Variants in SHOX2 observed in about 807,000 individuals in gnomAD.
SHOX2 encodes short stature homeobox protein 2.
Under a neutral mutation model 31.3 loss-of-function variants are expected in SHOX2, and 13 were observed. That is an observed-to-expected ratio of 0.42 (90% CI 0.27 to 0.66). The LOEUF is 0.66. Among genes scored for constraint, SHOX2 ranks in the 30% least tolerant of loss-of-function variants. The pLI, the probability that SHOX2 is intolerant of heterozygous loss-of-function variation, is 0.27. For synonymous variants in SHOX2, 244 were observed against 196.2 expected (o/e 1.24, Z -2.04); for missense variants, 473 against 443.0 (o/e 1.07, Z -0.61).
chr3:158,097,952 G>T lies in SHOX2; in HGVS notation c.*75C>A. ...CTCCCGAGGTCTCAAAGGGGTAACG[G>T]AGAAGCAGCGGGGCGCGGAGGGCGT... On this transcript the variant is annotated 3_prime_UTR_variant, in exon 5 of 5. Transcript: ENST00000483851. 1 of 1,525,012 alleles carries T rather than the reference G, an allele frequency of 6.6e-7. No individual in the cohort carries two copies. Among genetic ancestry groups the T allele is most frequent in the Non-Finnish European group, 8.8e-7 (1 of 1,135,482 alleles). The allele number at this position is 1,525,012 out of a possible 1,614,324, so 94.5% of individuals were successfully genotyped here.
intron 4 of SHOX2, 65 bp from the exon 5 acceptor site, chr3:158,098,349 C>A: frequency 1.9e-6 from 3 of 1,566,438 alleles, no homozygotes; most frequent in South Asian, 1.2e-5. Flanking sequence ...AGAAACAGAG[C>A]ATTAACGGCG....
chr3:158,102,822 T>G lies in SHOX2; in HGVS notation c.411A>C (p.Lys137Asn). The change falls in exon 2 of 5, where the codon AAA becomes AAC. Residue 137 changes from lysine to asparagine, a missense_variant. Lys to Asn is a moderately conservative substitution (Grantham distance 94). Coordinates refer to ENST00000483851, the MANE Select transcript of SHOX2 (RefSeq NM_001163678.2). ...TGGTCCGACTTCGCCTCTGCTTGATTTTGGTCTGGCCTTCGTCCTCCATCC... is the reference window on the plus strand; with the variant it reads ...TGGTCCGACTTCGCCTCTGCTTGATGTTGGTCTGGCCTTCGTCCTCCATCC... ...AKGMEDEGQT[K>N]IKQRRSRTNF... 6.2e-7 allele frequency: 1 copy of G among 1,614,058 alleles called. No individual in the cohort carries two copies. The highest frequency in any genetic ancestry group is 8.5e-7 in the Non-Finnish European group (1 of 1,180,018).
At chr3:158,105,082 G>T in intron 1 of SHOX2, 2 of 1,465,922 alleles carry the variant, frequency 1.4e-6, no homozygotes, top group Non-Finnish European at 1.8e-6. Context: ...GCCTCGCCCG[G>T]GAGAAGCAGC....
Position 158,096,911 on chromosome 3 carries a change from T to TATGGCAAATATATG in SHOX2, c.*1115_*1116insCATATATTTGCCAT, listed in dbSNP as rs1553753340. The TATGGCAAATATATG allele has an allele frequency of 9.0e-6, 1 of 111,532 alleles. No homozygotes were observed. The highest frequency in any genetic ancestry group is 3.2e-5 in the African/African-American group (1 of 31,152). The allele number at this position is 111,532 out of a possible 1,614,324, so 6.9% of individuals were successfully genotyped here. Reference sequence around the variant, plus strand: ...GCAAATATATATATATATATATATATATATATATATATATATATATGGCAA... The same window carrying TATGGCAAATATATG: ...GCAAATATATATATATATATATATATATGGCAAATATATGATATATATATATATATATATGGCAA... On this transcript the variant is annotated 3_prime_UTR_variant, in exon 5 of 5. Transcript: ENST00000483851.
chr3:158,097,847 G>T lies in SHOX2; in HGVS notation c.*180C>A. 1.3e-6 allele frequency: 1 copy of T among 791,830 alleles called. No individual in the cohort carries two copies. The highest frequency in any genetic ancestry group is 2.0e-6 in the Non-Finnish European group (1 of 493,296). The allele number at this position is 791,830 out of a possible 1,614,324, so 49.1% of individuals were successfully genotyped here. On this transcript the variant is annotated 3_prime_UTR_variant, in exon 5 of 5. Transcript: ENST00000483851. ...GCCTGCGTGCCTCGTGAGATCCCTG[G>T]TCCTGCGTGGAGTCTGGCTTTCCGA...
At chr3:158,105,093 G>T in intron 1 of SHOX2, 1 of 1,507,418 alleles carries the variant, frequency 6.6e-7, no homozygotes, top group Non-Finnish European at 8.9e-7. Context: ...GAGAAGCAGC[G>T]TAGCCTGGAC....
chr3:158,099,191 C>T (rs1372408767), intron 4 of SHOX2, among the ~76,000 whole-genome samples: 6 of 152,344 alleles, frequency 3.9e-5, no homozygotes, highest in Non-Finnish European at 7.4e-5. Context: ...GAAAGGATTT[C>T]GCCCTCAGGC....
intron 1 of SHOX2, chr3:158,103,269 C>CG: frequency 3.2e-6 from 1 of 310,530 alleles, no homozygotes; most frequent in Non-Finnish European, 6.3e-6. Context: ...AAATCAAAGG[C>CG]GCAGCGCCAG....
At chr3:158,101,429 C>G (rs949056818) in intron 2 of SHOX2, among the ~76,000 whole-genome samples, 1 of 152,188 alleles carries the variant, frequency 6.6e-6, no homozygotes, top group Non-Finnish European at 1.5e-5. Flanking sequence ...ATAATCATAA[C>G]TGTAATAATT....
chr3:158,101,078 G>A (rs62288264), intron 2 of SHOX2, among the ~76,000 whole-genome samples: 1,831 of 152,318 alleles, frequency 0.012, 27 homozygotes, highest in Non-Finnish European at 0.015. Context: ...TCTCCTGGAT[G>A]TTACCTGCTT....
rs1264351011 is a variant in SHOX2, at chr3:158,105,781, C to T, written c.244G>A (p.Gly82Arg). 1 of 1,518,152 alleles carries T rather than the reference C, an allele frequency of 6.6e-7. No individual in the cohort carries two copies. The highest frequency in any genetic ancestry group is 2.1e-5 in the Admixed American group (1 of 47,428). 94.0% of individuals were successfully genotyped at this position (1,518,152 alleles called of 1,614,324 possible). A position where few individuals can be genotyped will look rare whatever the true frequency, so the allele number is the denominator to read the frequency against. ...GGGGGGVGGGGAGGGAGGGRS... is the reference protein window; with the variant it reads ...GGGGGGVGGGRAGGGAGGGRS... ...CCTCCTCCAGCTCCTCCGCCTGCTC[C>T]TCCTCCTCCTACACCTCCTCCGCCT... Residue 82 changes from glycine (G) to arginine (R), a missense_variant, in exon 1 of 5, where the codon GGA becomes AGA. By Grantham distance (125) the Gly-to-Arg change is moderately radical. This residue lies in a region of SHOX2 where 276 missense variants were observed against 230.0 expected (regional missense o/e 1.20). Transcript: ENST00000483851.
intron 1 of SHOX2, among the ~76,000 whole-genome samples, chr3:158,105,448 C>T (rs1263275909): frequency 1.4e-5 from 2 of 147,466 alleles, no homozygotes; most frequent in Non-Finnish European, 1.5e-5. Context: ...GCGCACAAAC[C>T]CCACACGCTT....
intron 1 of SHOX2, 96 bp from the exon 2 acceptor site, chr3:158,102,982 T>G: frequency 8.5e-7 from 1 of 1,174,812 alleles, no homozygotes; most frequent in Non-Finnish European, 1.3e-6. Context: ...GCAAATCCTG[T>G]TACCAGATTT....
chr3:158,097,831 C>G lies in SHOX2; in HGVS notation c.*196G>C. On this transcript the variant is annotated 3_prime_UTR_variant, in exon 5 of 5. Coordinates refer to ENST00000483851, the MANE Select transcript of SHOX2 (RefSeq NM_001163678.2). ...GGGCAGGAGCCACGGAGCCTGCGTG[C>G]CTCGTGAGATCCCTGGTCCTGCGTG... 1 of 720,804 alleles carries G rather than the reference C, an allele frequency of 1.4e-6. No individual in the cohort carries two copies. The highest frequency in any genetic ancestry group is 2.3e-6 in the Non-Finnish European group (1 of 437,480). The allele number at this position is 720,804 out of a possible 1,614,324, so 44.7% of individuals were successfully genotyped here.
rs1553754974 is a variant in SHOX2, at chr3:158,105,815, G to GCCGCCTCCGCCTCCT, written c.195_209dup (p.Gly73_Gly77dup). On this transcript the variant is annotated inframe_insertion, in exon 1 of 5. Coordinates refer to ENST00000483851, the MANE Select transcript of SHOX2 (RefSeq NM_001163678.2). ...CTACACCTCCTCCGCCTCCTCCGCC[G>GCCGCCTCCGCCTCCT]CCGCCTCCGCCTCCTCCGCCGCCGC... is the stretch of plus-strand genomic sequence containing the variant. 2 of 1,439,130 alleles carry GCCGCCTCCGCCTCCT rather than the reference G, an allele frequency of 1.4e-6. No homozygotes were observed. Among genetic ancestry groups the GCCGCCTCCGCCTCCT allele is most frequent in the East Asian group, 6.0e-5 (2 of 33,104 alleles). The allele number at this position is 1,439,130 out of a possible 1,614,324, so 89.1% of individuals were successfully genotyped here. A position where few individuals can be genotyped will look rare whatever the true frequency, so the allele number is the denominator to read the frequency against.
rs1486894062 is a variant in SHOX2 at position 158,102,899 on chromosome 3, C to A, written c.347-13G>T. 3 of 1,612,502 alleles carry A rather than the reference C, an allele frequency of 1.9e-6. No individual in the cohort carries two copies. The highest frequency in any genetic ancestry group is 2.7e-5 in the African/African-American group (2 of 74,804). On this transcript the variant is annotated splice_polypyrimidine_tract_variant and intron_variant, in intron 1 of 4. Coordinates refer to ENST00000483851, the MANE Select transcript of SHOX2 (RefSeq NM_001163678.2). ...AGCTCCGGGGACACTGGAGGGGGCACCCCAGCGGGGCCACACGTGCATCCA... is the reference window on the plus strand; with the variant it reads ...AGCTCCGGGGACACTGGAGGGGGCAACCCAGCGGGGCCACACGTGCATCCA...
At chr3:158,104,886 T>C (rs1377282465) in intron 1 of SHOX2, among the ~76,000 whole-genome samples, 1 of 152,156 alleles carries the variant, frequency 6.6e-6, no homozygotes, top group African/African-American at 2.4e-5. Flanking sequence ...CTCCTTTGAA[T>C]TGGTATAGAA....
chr3:158,097,733 T>C lies in SHOX2; in HGVS notation c.*294A>G. ...AAACTCCGCGGTTCCAGCACTCCCC[T>C]GTCCAGTCTCTCTCCAGACTCCCCC... is the stretch of plus-strand genomic sequence containing the variant. On this transcript the variant is annotated 3_prime_UTR_variant, in exon 5 of 5. Coordinates refer to ENST00000483851, the MANE Select transcript of SHOX2 (RefSeq NM_001163678.2). 1 of 410,828 alleles carries C rather than the reference T, an allele frequency of 2.4e-6. No homozygotes were observed. The highest frequency in any genetic ancestry group is 4.3e-5 in the South Asian group (1 of 23,430). 25.4% of individuals were successfully genotyped at this position (410,828 alleles called of 1,614,324 possible).
rs1455498806 is a variant in SHOX2, at chr3:158,105,750, G to A, written c.275C>T (p.Ser92Phe). ...GCCCATGTCCAGCTCCCGGACGGGA[G>A]AGCGCCCTCCTCCAGCTCCTCCGCC... ...GAGGGAGGGR[S>F]PVRELDMGAA... Residue 92 changes from serine (S) to phenylalanine (F), a missense_variant, in exon 1 of 5, where the codon TCT becomes TTT. This residue lies in a region of SHOX2 where 276 missense variants were observed against 230.0 expected (regional missense o/e 1.20). Coordinates refer to ENST00000483851, the MANE Select transcript of SHOX2 (RefSeq NM_001163678.2). 12 of 1,521,456 alleles carry A rather than the reference G, an allele frequency of 7.9e-6. No homozygotes were observed. Among genetic ancestry groups the A allele is most frequent in the Non-Finnish European group, 1.1e-5 (12 of 1,135,554 alleles). The allele number at this position is 1,521,456 out of a possible 1,614,324, so 94.2% of individuals were successfully genotyped here. A position where few individuals can be genotyped will look rare whatever the true frequency, so the allele number is the denominator to read the frequency against.
Sources: allele counts gnomAD v4.1 joint callset (sites outside exome capture counted in the v4.1 genomes callset), GRCh38; gene constraint gnomAD v4.1.1; regional missense constraint gnomAD v4.1.1; transcripts MANE v1.5; gene names NCBI Gene and HGNC (gene_info 2026-07-23, HGNC 2026-07-21).